EYS: variants seen among roughly 807,000 people sequenced by gnomAD.
EYS encodes the protein protein eyes shut homolog.
A neutral mutation model predicts 282.1 loss-of-function variants in EYS; 250 were observed. The ratio of observed to expected loss-of-function variants is 0.89; its 90% CI spans 0.80 to 0.98. The LOEUF (loss-of-function observed/expected upper bound fraction) is 0.98. EYS is among the 50% of genes least tolerant of loss of function. The probability of loss-of-function intolerance (pLI) is 0.00; values close to 1 mark genes in which losing one functional copy is unlikely to be tolerated. For missense variants in EYS, 4,016 were observed against 3,709.0 expected (o/e 1.08, Z -2.15); for synonymous variants, 1,355 against 1,282.9 (o/e 1.06, Z -1.20).
intron 22 of EYS, among the ~76,000 whole-genome samples, chr6:64,756,432 T>C (rs1180615775): frequency 6.6e-6 from 1 of 152,142 alleles, no homozygotes; most frequent in East Asian, 1.9e-4. Context: ...AATGGGACCA[T>C]GGCAGAATTC....
chr6:65,479,547 A>C (rs577917527), intron 5 of EYS, among the ~76,000 whole-genome samples: 31 of 152,318 alleles, frequency 2.0e-4, no homozygotes, highest in African/African-American at 6.7e-4. Flanking sequence ...ATATATGTTT[A>C]ATTTATTTAT....
intron 7 of EYS, among the ~76,000 whole-genome samples, chr6:65,389,621 G>A (rs538182994): frequency 6.6e-6 from 1 of 152,198 alleles, no homozygotes; most frequent in African/African-American, 2.4e-5. Context: ...ATGATATGTA[G>A]TTATGGGAGG....
chr6:63,903,761 T>C lies in EYS; in HGVS notation c.7056-39403A>G, dbSNP rs148532291. Among the ~76,000 whole-genome samples, 265 of 152,254 alleles carry C rather than the reference T, an allele frequency of 1.7e-3. 1 individual carries two copies. The highest frequency in any genetic ancestry group is 4.8e-3 in the African/African-American group (201 of 41,548). On this transcript the variant is annotated intron_variant, in intron 35 of 42. Coordinates refer to ENST00000503581, the MANE Select transcript of EYS (RefSeq NM_001142800.2). ...GGACCCTGGATGTAGTCTTCCCCAA[T>C]AGATATTGATGGAACGCAGACAGGA...
At chr6:63,789,553 A>C (rs1770455384) in intron 37 of EYS, among the ~76,000 whole-genome samples, 1 of 152,220 alleles carries the variant, frequency 6.6e-6, no homozygotes, top group Non-Finnish European at 1.5e-5. Context: ...GGAGAACTTC[A>C]CAATGGAGTA....
chr6:64,369,525 T>C (rs1244011444), intron 29 of EYS, among the ~76,000 whole-genome samples: 1 of 152,190 alleles, frequency 6.6e-6, no homozygotes, highest in Non-Finnish European at 1.5e-5. Context: ...ACAATATTGG[T>C]TCTTCCCGTC....
chr6:64,063,342 A>G (rs1439268397), intron 33 of EYS, among the ~76,000 whole-genome samples: 3 of 152,170 alleles, frequency 2.0e-5, no homozygotes, highest in Non-Finnish European at 2.9e-5. Flanking sequence ...TTCTCAATCT[A>G]ACCTGCTCTT....
intron 9 of EYS, among the ~76,000 whole-genome samples, chr6:65,344,548 A>G (rs901445498): frequency 6.6e-6 from 1 of 151,682 alleles, no homozygotes; most frequent in Non-Finnish European, 1.5e-5. Context: ...GAGCAGAAGA[A>G]AGAAGTGACC....
chr6:64,750,014 T>G (rs1345348110), intron 22 of EYS, among the ~76,000 whole-genome samples: 1 of 152,054 alleles, frequency 6.6e-6, no homozygotes, highest in Non-Finnish European at 1.5e-5. Context: ...CATTACAAAA[T>G]TTTATTTTGT....
chr6:64,343,041 C>A (rs1771194431), intron 29 of EYS, among the ~76,000 whole-genome samples: 1 of 152,042 alleles, frequency 6.6e-6, no homozygotes, highest in African/African-American at 2.4e-5. Context: ...TACAGGAGCA[C>A]CCAGATTCAT....
At chr6:65,070,819 C>T (rs1341739539) in intron 12 of EYS, among the ~76,000 whole-genome samples, 1 of 151,828 alleles carries the variant, frequency 6.6e-6, no homozygotes, top group Non-Finnish European at 1.5e-5. Flanking sequence ...GTAAACAGAA[C>T]AGTTTTCCCT....
chr6:64,034,380 T>G (rs1172445279), intron 33 of EYS, among the ~76,000 whole-genome samples: 1 of 152,186 alleles, frequency 6.6e-6, no homozygotes, highest in East Asian at 1.9e-4. Flanking sequence ...AATGTTATCT[T>G]ACGGTATTTA....
rs1765032671 is a variant in EYS at position 65,467,178 on chromosome 6, A to G, written c.862+23416T>C. Among the ~76,000 whole-genome samples the G allele has an allele frequency of 1.3e-5, 2 of 152,132 alleles. 1 individual carries two copies. The highest frequency in any genetic ancestry group is 4.1e-4 in the South Asian group (2 of 4,826). ...TACCAGCTGGCATTTGAGCTAACAG[A>G]TATCAGTCTGTAGTGAAGAAATATC... On this transcript the variant is annotated intron_variant, in intron 5 of 42. Transcript: ENST00000503581.
chr6:64,075,621 A>T (rs981928674), intron 32 of EYS, among the ~76,000 whole-genome samples: 7 of 152,030 alleles, frequency 4.6e-5, no homozygotes, highest in African/African-American at 1.7e-4. Context: ...TGTTGCTAGG[A>T]TGAACATGGC....
intron 11 of EYS, chr6:65,329,646 AAAAT>A (rs1404925802): frequency 2.6e-5 from 26 of 982,312 alleles, no homozygotes; most frequent in Non-Finnish European, 3.1e-5. Flanking sequence ...TAGTATAGCC[AAAAT>A]AAATAAATAA....
intron 15 of EYS, among the ~76,000 whole-genome samples, chr6:64,944,687 C>T (rs1231275780): frequency 1.3e-5 from 2 of 151,988 alleles, no homozygotes; most frequent in African/African-American, 4.8e-5. Flanking sequence ...AAGCATCTTG[C>T]AGCTGAGATA....
At chr6:64,948,434 T>TAATATTAAATATTGTATTTAATATTATTA (rs975792463) in intron 14 of EYS, among the ~76,000 whole-genome samples, 4 of 147,820 alleles carry the variant, frequency 2.7e-5, no homozygotes, top group African/African-American at 7.3e-5. Flanking sequence ...TAGTATTAAA[T>TAATATTAAATATTGTATTTAATATTATTA]AATATTAAAT....
At chr6:64,008,699 G>T (rs148608231) in intron 33 of EYS, among the ~76,000 whole-genome samples, 2,538 of 152,264 alleles carry the variant, frequency 0.017, 27 homozygotes, top group Middle Eastern at 0.027. Flanking sequence ...GTCTGAAAAG[G>T]ATCTTATTTC....
In EYS at chr6:65,000,138, C is replaced by CTA. The variant is rs1160242584; in HGVS notation, c.2138-2437_2138-2436dup. On this transcript the variant is annotated intron_variant, in intron 13 of 42. Transcript: ENST00000503581. ...CTTCAGGAGCTGTAGACATTCACCCCTATGCACTGCGGTGGAGTCAGAGCT... is the reference window on the plus strand; with the variant it reads ...CTTCAGGAGCTGTAGACATTCACCCCTATATGCACTGCGGTGGAGTCAGAGCT... Among the ~76,000 whole-genome samples the CTA allele has an allele frequency of 2.6e-5, 4 of 152,164 alleles. No individual in the cohort carries two copies. In the East Asian group the frequency reaches 7.7e-4, roughly 29 times the overall value.
chr6:64,511,667 T>C (rs1165159029), intron 26 of EYS, among the ~76,000 whole-genome samples: 2 of 152,032 alleles, frequency 1.3e-5, no homozygotes, highest in Non-Finnish European at 2.9e-5. Flanking sequence ...CTTCTGTACA[T>C]CCTCTCAGAG....
Sources: allele counts gnomAD v4.1 joint callset (sites outside exome capture counted in the v4.1 genomes callset), GRCh38; gene constraint gnomAD v4.1.1; transcripts MANE v1.5; gene names NCBI Gene and HGNC (gene_info 2026-07-23, HGNC 2026-07-21).